FBXO3: variants seen among roughly 807,000 people sequenced by gnomAD.
FBXO3 encodes F-box protein 3, also known as F-box only protein 3.
Under a neutral mutation model 64.8 loss-of-function variants are expected in FBXO3, and 17 were observed. The ratio of observed to expected loss-of-function variants is 0.26; its 90% CI spans 0.18 to 0.39. The LOEUF is 0.39. FBXO3 is among the 10% of genes least tolerant of loss of function. The probability of loss-of-function intolerance (pLI) is 1.00; values close to 1 mark genes in which losing one functional copy is unlikely to be tolerated. For synonymous variants in FBXO3, 182 were observed against 201.6 expected (o/e 0.90, Z 0.82); for missense variants, 420 against 589.9 (o/e 0.71, Z 2.98).
intron 3 of FBXO3, among the ~76,000 whole-genome samples, chr11:33,759,716 A>G (rs530957154): frequency 6.6e-6 from 1 of 152,162 alleles, no homozygotes; most frequent in Non-Finnish European, 1.5e-5. Context: ...CTAAAGAAAG[A>G]GGAAAAAATA....
At chr11:33,768,737 G>T (rs1855435402) in intron 3 of FBXO3, 114 bp downstream of exon 3, 1 of 1,210,024 alleles carries the variant, frequency 8.3e-7, no homozygotes, top group Non-Finnish European at 1.2e-6. Flanking sequence ...GTAAATCACA[G>T]ACAAAGTTGG....
At chr11:33,757,233 G>C (rs1222804551) in intron 4 of FBXO3, among the ~76,000 whole-genome samples, 1 of 152,024 alleles carries the variant, frequency 6.6e-6, no homozygotes, top group East Asian at 1.9e-4. Context: ...CTCTGAAATA[G>C]CTTACTTTCA....
intron 3 of FBXO3, among the ~76,000 whole-genome samples, chr11:33,760,802 A>G (rs1414590136): frequency 6.6e-6 from 1 of 152,252 alleles, no homozygotes; most frequent in Non-Finnish European, 1.5e-5. Context: ...ATTCAGCAGC[A>G]GCAGTTAGAA....
intron 3 of FBXO3, among the ~76,000 whole-genome samples, chr11:33,764,413 A>C (rs1855317102): frequency 6.6e-6 from 1 of 152,178 alleles, no homozygotes; most frequent in Non-Finnish European, 1.5e-5. Context: ...TACAATGGAC[A>C]TGTTTACCTT....
At chr11:33,759,207 G>T (rs1195370688) in intron 3 of FBXO3, among the ~76,000 whole-genome samples, 6 of 152,162 alleles carry the variant, frequency 3.9e-5, no homozygotes, top group Non-Finnish European at 1.5e-5. Flanking sequence ...CAAAAAATTG[G>T]CTTGAAGACT....
chr11:33,761,220 A>G (rs547093426), intron 3 of FBXO3, among the ~76,000 whole-genome samples: 15 of 152,230 alleles, frequency 9.9e-5, no homozygotes, highest in Admixed American at 5.2e-4. Context: ...AGGTGGGACA[A>G]ATAGAAAAAC....
At chr11:33,749,644 G>A (rs1307582219) in intron 8 of FBXO3, among the ~76,000 whole-genome samples, 1 of 152,154 alleles carries the variant, frequency 6.6e-6, no homozygotes, top group African/African-American at 2.4e-5. Flanking sequence ...GATTATAGGC[G>A]TGGGCCACCG....
intron 3 of FBXO3, among the ~76,000 whole-genome samples, chr11:33,764,516 T>C (rs971226002): frequency 3.3e-5 from 5 of 152,220 alleles, no homozygotes; most frequent in Middle Eastern, 3.4e-3. Context: ...CTGGATATAA[T>C]GTGAGGAGAA....
intron 3 of FBXO3, among the ~76,000 whole-genome samples, chr11:33,762,209 A>G (rs1475587130): frequency 6.6e-6 from 1 of 152,244 alleles, no homozygotes; most frequent in Non-Finnish European, 1.5e-5. Context: ...AGATTTTATC[A>G]TACTTCTCTC....
intron 2 of FBXO3, among the ~76,000 whole-genome samples, chr11:33,770,455 C>G (rs2133625820): frequency 6.6e-6 from 1 of 152,344 alleles, no homozygotes; most frequent in South Asian, 2.1e-4. Context: ...GCAAACAATT[C>G]TAGACCTCAG....
intron 4 of FBXO3, chr11:33,757,157 C>G: frequency 6.0e-6 from 3 of 501,442 alleles, no homozygotes; most frequent in South Asian, 4.3e-5. Context: ...AAAGGAACAC[C>G]AGGTTCCAAT....
rs186972780 is a variant in FBXO3 at position 33,765,626 on chromosome 11, C to T, written c.358+3225G>A. Among the ~76,000 whole-genome samples the T allele has an allele frequency of 2.6e-5, 4 of 152,252 alleles. No homozygotes were observed. The East Asian group carries it at 7.7e-4, about 29-fold the overall frequency. On this transcript the variant is annotated intron_variant, in intron 3 of 10. Transcript: ENST00000265651. ...GCTTTGACATAGTTTGTATATTTGT[C>T]CCCTCCCAAATCTAATGTTGAACTG...
chr11:33,745,937 A>C (rs1160525863), intron 10 of FBXO3: 1 of 152,212 alleles, frequency 6.6e-6, no homozygotes, highest in Non-Finnish European at 1.5e-5. Context: ...AAAGAGGACA[A>C]GTGACTATGG....
At chr11:33,758,428 C>T in intron 4 of FBXO3, 59 bp downstream of exon 4, 1 of 1,273,402 alleles carries the variant, frequency 7.9e-7, no homozygotes, top group Non-Finnish European at 1.1e-6. Context: ...AATTTATTTA[C>T]TTTCATTCTA....
chr11:33,765,644 T>C (rs1284602167), intron 3 of FBXO3, among the ~76,000 whole-genome samples: 1 of 152,202 alleles, frequency 6.6e-6, no homozygotes, highest in Non-Finnish European at 1.5e-5. Context: ...AAATCTAATG[T>C]TGAACTGTAA....
At chr11:33,765,472 A>C (rs1190680008) in intron 3 of FBXO3, among the ~76,000 whole-genome samples, 1 of 152,230 alleles carries the variant, frequency 6.6e-6, no homozygotes, top group Non-Finnish European at 1.5e-5. Context: ...AGAGACAAAA[A>C]TAGACATGGC....
At chr11:33,747,084 C>T (rs1459775414) in intron 10 of FBXO3, 46 bp downstream of exon 10, 1 of 1,603,210 alleles carries the variant, frequency 6.2e-7, no homozygotes, top group Non-Finnish European at 8.5e-7. Context: ...GCAGTGTTAA[C>T]CCTACAAAGT....
At chr11:33,761,339 T>C (rs1433898725) in intron 3 of FBXO3, among the ~76,000 whole-genome samples, 2 of 152,106 alleles carry the variant, frequency 1.3e-5, no homozygotes, top group South Asian at 2.1e-4. Context: ...CAAAAAATTA[T>C]ATACAAGACA....
intron 3 of FBXO3, among the ~76,000 whole-genome samples, chr11:33,760,278 G>A (rs1483063423): frequency 6.6e-6 from 1 of 152,168 alleles, no homozygotes; most frequent in African/African-American, 2.4e-5. Flanking sequence ...AAGCAGTGTA[G>A]TGGGTGCAGT....
Sources: allele counts gnomAD v4.1 joint callset (sites outside exome capture counted in the v4.1 genomes callset), GRCh38; gene constraint gnomAD v4.1.1; transcripts MANE v1.5; gene names NCBI Gene and HGNC (gene_info 2026-07-23, HGNC 2026-07-21).